The following BORCS5 variants were observed in gnomAD, a reference collection of about 807,000 sequenced individuals.
BORCS5 encodes the protein BLOC-1-related complex subunit 5.
In BORCS5, 17 loss-of-function variants were observed where a neutral mutation model predicts 22.1. That is an observed-to-expected ratio of 0.77 (90% CI 0.53 to 1.15). BORCS5 has a LOEUF of 1.15. Ranked by LOEUF, BORCS5 falls within the 50% of genes most tolerant of loss-of-function variation. The probability of loss-of-function intolerance (pLI) is 0.00; values close to 1 mark genes in which losing one functional copy is unlikely to be tolerated. For synonymous variants in BORCS5, 117 were observed against 99.8 expected (o/e 1.17, Z -1.03); for missense variants, 247 against 253.2 (o/e 0.98, Z 0.17).
At chr12:12,365,281 C>T (rs1222407894) in intron 2 of BORCS5, among the ~76,000 whole-genome samples, 1 of 152,116 alleles carries the variant, frequency 6.6e-6, no homozygotes, top group Non-Finnish European at 1.5e-5. Context: ...GCGATCCACC[C>T]ATCTCAGCTT....
intron 2 of BORCS5, among the ~76,000 whole-genome samples, chr12:12,406,923 T>A (rs759827277): frequency 1.4e-4 from 22 of 152,266 alleles, no homozygotes; most frequent in South Asian, 4.1e-4. Context: ...TTTGGGTTAT[T>A]GATGTTTCAA....
At chr12:12,361,419 A>G (rs1337162450) in intron 2 of BORCS5, 70 bp downstream of exon 2, 13 of 1,539,480 alleles carry the variant, frequency 8.4e-6, no homozygotes, top group Non-Finnish European at 9.8e-6. Context: ...CTTTCCCTCT[A>G]CTTATCCATG....
intron 2 of BORCS5, among the ~76,000 whole-genome samples, chr12:12,423,438 C>CTTTTTTTT (rs939681383): frequency 1.7e-5 from 1 of 57,254 alleles, no homozygotes; most frequent in African/African-American, 6.4e-5. Context: ...ACTCCCTCAG[C>CTTTTTTTT]TTTTTTTTTT....
intron 3 of BORCS5, among the ~76,000 whole-genome samples, chr12:12,463,951 ATG>A (rs936787820): frequency 5.9e-5 from 9 of 152,134 alleles, no homozygotes; most frequent in African/African-American, 1.9e-4. Context: ...GCCAAGTAAA[ATG>A]TGATGCCCGA....
chr12:12,431,586 G>C (rs57405797), intron 2 of BORCS5, among the ~76,000 whole-genome samples: 1 of 151,942 alleles, frequency 6.6e-6, no homozygotes, highest in East Asian at 1.9e-4. Flanking sequence ...ATTTTTAGTA[G>C]AGACGGGGTT....
rs559502779 is a variant in BORCS5 at position 12,468,699 on chromosome 12, C to T, written c.*2923C>T. 6.6e-6 allele frequency: 1 copy of T among 152,322 alleles called. No individual in the cohort carries two copies. Among genetic ancestry groups the T allele is most frequent in the Admixed American group, 6.5e-5 (1 of 15,300 alleles). The allele number at this position is 152,322 out of a possible 1,614,324, so 9.4% of individuals were successfully genotyped here. On this transcript the variant is annotated 3_prime_UTR_variant, in exon 4 of 4. Transcript: ENST00000314565. Reference sequence around the variant, plus strand: ...TTTCTTCCTTTTAATTATAAATTAGCTGTTCATTGGCTGCTTCTTTCTAGA... The same window carrying T: ...TTTCTTCCTTTTAATTATAAATTAGTTGTTCATTGGCTGCTTCTTTCTAGA...
intron 3 of BORCS5, among the ~76,000 whole-genome samples, chr12:12,457,104 T>C (rs1241221533): frequency 6.6e-6 from 1 of 152,242 alleles, no homozygotes; most frequent in Non-Finnish European, 1.5e-5. Context: ...AGTTCACATA[T>C]ATTTTATCAC....
At position 12,372,156 on chromosome 12, in the gene BORCS5, T is replaced by C. The variant is rs571238573; in HGVS notation, c.202+10807T>C. Among the ~76,000 whole-genome samples, 26 of 152,128 alleles carry C rather than the reference T, an allele frequency of 1.7e-4. 1 individual carries two copies. The South Asian group carries it at 3.3e-3, about 19-fold the overall frequency. ...TAGGGTTCAAGCAATTCTCATGCCT[T>C]AGTCTCCTGAGTAGCTGGGATTTCA... On this transcript the variant is annotated intron_variant, in intron 2 of 3. Transcript: ENST00000314565.
chr12:12,449,922 G>T (rs557098469), intron 3 of BORCS5, among the ~76,000 whole-genome samples: 3 of 152,202 alleles, frequency 2.0e-5, no homozygotes, highest in African/African-American at 7.2e-5. Context: ...CACCGAGCAG[G>T]TTCCTATTCC....
At chr12:12,435,466 T>A (rs182755423) in intron 2 of BORCS5, among the ~76,000 whole-genome samples, 162 bp from the exon 3 acceptor site, 1 of 152,302 alleles carries the variant, frequency 6.6e-6, no homozygotes, top group East Asian at 1.9e-4. Context: ...ACATAACAGA[T>A]GCCCCATAAA....
At chr12:12,411,702 TG>T (rs1314831310) in intron 2 of BORCS5, among the ~76,000 whole-genome samples, 1 of 152,214 alleles carries the variant, frequency 6.6e-6, no homozygotes, top group African/African-American at 2.4e-5. Flanking sequence ...ATGAAACTTT[TG>T]CCTGCGTTTT....
chr12:12,452,107 T>A, intron 3 of BORCS5: 1 of 491,288 alleles, frequency 2.0e-6, no homozygotes, highest in Non-Finnish European at 4.0e-6. Flanking sequence ...AAATTTTTAT[T>A]TAAAAGAGGG....
At chr12:12,455,491 CG>C (rs370693386) in intron 3 of BORCS5, among the ~76,000 whole-genome samples, 1 of 152,060 alleles carries the variant, frequency 6.6e-6, no homozygotes, top group African/African-American at 2.4e-5. Flanking sequence ...TTTTAAATGC[CG>C]TCTTGAGCTG....
chr12:12,452,337 T>G (rs1443137600), intron 3 of BORCS5: 4 of 699,882 alleles, frequency 5.7e-6, no homozygotes, highest in Non-Finnish European at 7.7e-6. Context: ...GCAAGAATAT[T>G]GTGAACCGTG....
chr12:12,386,483 TTC>T (rs1340100020), intron 2 of BORCS5, among the ~76,000 whole-genome samples: 4 of 149,986 alleles, frequency 2.7e-5, no homozygotes, highest in Non-Finnish European at 5.9e-5. Flanking sequence ...TTCTAGTTCG[TTC>T]TCTTTTTTTG....
intron 2 of BORCS5, among the ~76,000 whole-genome samples, chr12:12,410,061 A>G (rs1941689476): frequency 6.6e-6 from 1 of 151,696 alleles, no homozygotes; most frequent in Non-Finnish European, 1.5e-5. Context: ...TCCTTCACCC[A>G]CTTTTTGATG....
chr12:12,430,524 G>A lies in BORCS5; in HGVS notation c.203-5104G>A, dbSNP rs1240271543. ...TAAAGATGAGGTTTTTACTTATGGA[G>A]TAGGGGGCACTTGGGATGGGTGAAG... On this transcript the variant is annotated intron_variant, in intron 2 of 3. Coordinates refer to ENST00000314565, the MANE Select transcript of BORCS5 (RefSeq NM_058169.6). Among the ~76,000 whole-genome samples, 4 of 152,144 alleles carry A rather than the reference G, an allele frequency of 2.6e-5. No homozygotes were observed. The East Asian group carries it at 7.7e-4, about 29-fold the overall frequency.
chr12:12,396,633 T>TG (rs954262578), intron 2 of BORCS5, among the ~76,000 whole-genome samples: 1 of 150,114 alleles, frequency 6.7e-6, no homozygotes, highest in Non-Finnish European at 1.5e-5. Context: ...TTGGAGGGAG[T>TG]GGGGGGTGGG....
intron 2 of BORCS5, among the ~76,000 whole-genome samples, chr12:12,431,957 G>A (rs1565908209): frequency 6.6e-6 from 1 of 152,154 alleles, no homozygotes; most frequent in Non-Finnish European, 1.5e-5. Context: ...GCCTCCCAAA[G>A]TGCTGGAATT....
Sources: allele counts gnomAD v4.1 joint callset (sites outside exome capture counted in the v4.1 genomes callset), GRCh38; gene constraint gnomAD v4.1.1; transcripts MANE v1.5; gene names NCBI Gene and HGNC (gene_info 2026-07-23, HGNC 2026-07-21).